ERBB4: variants seen among roughly 807,000 people sequenced by gnomAD.
The protein encoded by ERBB4 is receptor tyrosine-protein kinase erbB-4.
In ERBB4, 42 loss-of-function variants were observed where a neutral mutation model predicts 158.0. The ratio of observed to expected loss-of-function variants is 0.27; its 90% confidence interval spans 0.21 to 0.34. ERBB4 has a LOEUF of 0.34. Among genes scored for constraint, ERBB4 ranks in the 10% least tolerant of loss-of-function variants. The pLI, the probability that ERBB4 is intolerant of heterozygous loss-of-function variation, is 1.00. For synonymous variants in ERBB4, 583 were observed against 558.7 expected (o/e 1.04, Z -0.61); for missense variants, 1,333 against 1,624.1 (o/e 0.82, Z 3.08).
chr2:211,539,015 A>G (rs2125679006), intron 20 of ERBB4, among the ~76,000 whole-genome samples: 1 of 152,092 alleles, frequency 6.6e-6, no homozygotes, highest in South Asian at 2.1e-4. Context: ...TATTTATCAT[A>G]GTACTAACTC....
rs1253085670 is a variant in ERBB4, at chr2:211,893,280, G to A, written c.421+54150C>T. ...GCATATCTACAACTATCTGATCTTT[G>A]ACAAACCTGAGAAAAACAAGCAAGG... is the stretch of plus-strand genomic sequence containing the variant. On this transcript the variant is annotated intron_variant, in intron 3 of 27. Transcript: ENST00000342788. Among the ~76,000 whole-genome samples, 96 of 144,410 alleles carry A rather than the reference G, an allele frequency of 6.6e-4. 19 individuals are homozygous for A. The highest frequency in any genetic ancestry group is 2.3e-3 in the African/African-American group (84 of 36,578). The allele number at this position is 144,410 out of a possible 152,430, so 94.7% of individuals were successfully genotyped here.
intron 9 of ERBB4, among the ~76,000 whole-genome samples, chr2:211,707,887 G>A (rs182169525): frequency 1.4e-3 from 216 of 152,106 alleles, no homozygotes; most frequent in Admixed American, 2.3e-3. Flanking sequence ...TTTAAAAAGC[G>A]TAACAACCTC....
At chr2:211,934,147 A>T (rs1184959079) in intron 3 of ERBB4, among the ~76,000 whole-genome samples, 1 of 152,006 alleles carries the variant, frequency 6.6e-6, no homozygotes, top group Admixed American at 6.6e-5. Flanking sequence ...TAATTATTAA[A>T]ACTAAAATAT....
intron 3 of ERBB4, among the ~76,000 whole-genome samples, chr2:211,802,856 G>C (rs2076531062): frequency 6.6e-6 from 1 of 152,188 alleles, no homozygotes; most frequent in Admixed American, 6.5e-5. Context: ...AGAACTCTGT[G>C]AAAGCCTAAT....
chr2:212,106,581 A>G (rs2079234006), intron 2 of ERBB4, among the ~76,000 whole-genome samples: 1 of 152,232 alleles, frequency 6.6e-6, no homozygotes, highest in Non-Finnish European at 1.5e-5. Flanking sequence ...GAGAAATCCA[A>G]GCCAGCTGCA....
intron 2 of ERBB4, among the ~76,000 whole-genome samples, chr2:211,949,323 C>T (rs578114384): frequency 6.6e-6 from 1 of 152,146 alleles, no homozygotes; most frequent in Non-Finnish European, 1.5e-5. Flanking sequence ...CTCAGAGTAA[C>T]AGACAAAATA....
chr2:211,806,391 AC>A (rs1356900628), intron 3 of ERBB4, among the ~76,000 whole-genome samples: 2 of 152,204 alleles, frequency 1.3e-5, no homozygotes, highest in African/African-American at 2.4e-5. Context: ...CATTAATCAA[AC>A]CATCACTAAA....
intron 5 of ERBB4, among the ~76,000 whole-genome samples, chr2:211,736,760 T>C (rs2074615101): frequency 6.6e-6 from 1 of 152,158 alleles, no homozygotes; most frequent in African/African-American, 2.4e-5. Context: ...CCATAATTAC[T>C]GGAAATTTGG....
intron 13 of ERBB4, among the ~76,000 whole-genome samples, chr2:211,678,127 C>T (rs560374612): frequency 1.3e-5 from 2 of 151,980 alleles, no homozygotes; most frequent in East Asian, 1.9e-4. Context: ...ATTAAAAATA[C>T]TTAATTTAAA....
intron 2 of ERBB4, among the ~76,000 whole-genome samples, chr2:212,117,595 A>G (rs545860403): frequency 2.6e-4 from 40 of 152,326 alleles, no homozygotes; most frequent in Middle Eastern, 3.4e-3. Context: ...TATCAGGAAT[A>G]CAAATTCAGG....
intron 1 of ERBB4, among the ~76,000 whole-genome samples, chr2:212,335,112 A>G (rs752741006): frequency 6.6e-6 from 1 of 151,976 alleles, no homozygotes; most frequent in Non-Finnish European, 1.5e-5. Context: ...AATATTCTCT[A>G]TAGTGATATA....
intron 1 of ERBB4, among the ~76,000 whole-genome samples, chr2:212,374,633 A>G (rs1052113500): frequency 6.6e-6 from 1 of 152,022 alleles, no homozygotes; most frequent in Admixed American, 6.6e-5. Flanking sequence ...ACACACACAC[A>G]TATTTGTAAA....
At chr2:211,571,041 CT>C (rs549254649) in intron 19 of ERBB4, among the ~76,000 whole-genome samples, 6 of 109,078 alleles carry the variant, frequency 5.5e-5, no homozygotes, top group Middle Eastern at 7.0e-3. Flanking sequence ...TACTCTTCTT[CT>C]TTTTTTTTTT....
intron 19 of ERBB4, among the ~76,000 whole-genome samples, chr2:211,585,810 T>A (rs1483832362): frequency 6.6e-6 from 1 of 152,122 alleles, no homozygotes; most frequent in Non-Finnish European, 1.5e-5. Flanking sequence ...ATAAATGTTA[T>A]CAATATTATT....
intron 1 of ERBB4, among the ~76,000 whole-genome samples, chr2:212,474,822 C>CTGTTTTTTTTTTTTTTTT (rs1689296618): frequency 1.1e-5 from 1 of 94,412 alleles, no homozygotes; most frequent in Non-Finnish European, 1.9e-5. Context: ...CCCGGCCATT[C>CTGTTTTTTTTTTTTTTTT]TTTTTTTTTT....
At chr2:211,547,468 C>T (rs192612431) in intron 20 of ERBB4, among the ~76,000 whole-genome samples, 312 of 152,076 alleles carry the variant, frequency 2.1e-3, no homozygotes, top group African/African-American at 7.1e-3. Flanking sequence ...AAAATAAAAT[C>T]GCATGCACAC....
intron 3 of ERBB4, among the ~76,000 whole-genome samples, chr2:211,812,452 C>T (rs189252993): frequency 0.012 from 1,834 of 152,248 alleles, 23 homozygotes; most frequent in Non-Finnish European, 0.018. Context: ...AGGTGTTAGT[C>T]GGCCCCTACT....
chr2:211,838,769 G>T (rs1176753585), intron 3 of ERBB4, among the ~76,000 whole-genome samples: 1 of 151,978 alleles, frequency 6.6e-6, no homozygotes, highest in Non-Finnish European at 1.5e-5. Flanking sequence ...ACACAATAAC[G>T]GGTCTGTGAT....
chr2:211,835,419 A>T (rs1332263742), intron 3 of ERBB4, among the ~76,000 whole-genome samples: 1 of 145,472 alleles, frequency 6.9e-6, no homozygotes, highest in Non-Finnish European at 1.5e-5. Context: ...TGTTCAGGAA[A>T]GGGTAAAAAC....
Sources: gnomAD v4.1 joint callset for allele counts (sites outside exome capture counted in the v4.1 genomes callset) on GRCh38, gnomAD v4.1.1 for gene constraint, MANE v1.5 for transcripts, NCBI Gene and HGNC (gene_info 2026-07-23, HGNC 2026-07-21) for gene names.